The following MALRD1 variants were observed in gnomAD, a reference collection of about 807,000 sequenced individuals.
The protein encoded by MALRD1 is MAM and LDL receptor class A domain containing 1.
In MALRD1, 247 loss-of-function variants were observed where a neutral mutation model predicts 242.1. The ratio of observed to expected loss-of-function variants is 1.02; its 90% CI spans 0.92 to 1.13. The LOEUF is 1.13. Ranked by LOEUF, MALRD1 falls within the 50% of genes most tolerant of loss-of-function variation. The pLI is 0.00. For missense variants in MALRD1, 2,989 were observed against 2,533.1 expected, an observed-to-expected ratio of 1.18 and a Z score of -3.86; for synonymous variants, 995 against 866.6, an observed-to-expected ratio of 1.15 and a Z score of -2.60.
At chr10:19,692,886 T>TATATATATAA (rs373717863) in intron 38 of MALRD1, among the ~76,000 whole-genome samples, 6,311 of 136,740 alleles carry the variant, frequency 0.046, 294 homozygotes, top group East Asian at 0.11. Flanking sequence ...TATATATATA[T>TATATATATAA]AATTTCATCC....
At chr10:19,688,272 A>G (rs1842679164) in intron 36 of MALRD1, among the ~76,000 whole-genome samples, 1 of 149,140 alleles carries the variant, frequency 6.7e-6, no homozygotes. Flanking sequence ...TGCCCGGCCT[A>G]TTATTATTAT....
At chr10:19,661,716 A>C (rs964205754) in intron 36 of MALRD1, among the ~76,000 whole-genome samples, 2 of 152,158 alleles carry the variant, frequency 1.3e-5, no homozygotes, top group Non-Finnish European at 2.9e-5. Context: ...GCACACCAAC[A>C]TGACACCTGT....
At chr10:19,638,086 A>G (rs1323800105) in intron 36 of MALRD1, among the ~76,000 whole-genome samples, 2 of 134,366 alleles carry the variant, frequency 1.5e-5, no homozygotes, top group African/African-American at 5.6e-5. Context: ...GGGCAACAAG[A>G]GAGAAACTCA....
intron 18 of MALRD1, among the ~76,000 whole-genome samples, chr10:19,255,287 A>T (rs1839458574): frequency 1.3e-5 from 2 of 152,018 alleles, no homozygotes; most frequent in South Asian, 4.2e-4. Context: ...CGACTTCCCT[A>T]ATTTCCGGAA....
At chr10:19,703,965 T>G (rs1833739448) in intron 38 of MALRD1, among the ~76,000 whole-genome samples, 1 of 152,180 alleles carries the variant, frequency 6.6e-6, no homozygotes, top group South Asian at 2.1e-4. Flanking sequence ...CCGTTTATTC[T>G]TACCTTACCA....
At chr10:19,239,537 G>A (rs999980683) in intron 18 of MALRD1, among the ~76,000 whole-genome samples, 4 of 152,078 alleles carry the variant, frequency 2.6e-5, no homozygotes, top group African/African-American at 9.7e-5. Flanking sequence ...TTTGTTGCCT[G>A]TGCTTTTGAC....
chr10:19,645,540 A>C (rs1196226015), intron 36 of MALRD1, among the ~76,000 whole-genome samples: 1 of 152,208 alleles, frequency 6.6e-6, no homozygotes, highest in Admixed American at 6.5e-5. Context: ...GTGGAATACT[A>C]TGCAGCCATA....
chr10:19,235,785 G>A (rs1838292834), intron 18 of MALRD1, among the ~76,000 whole-genome samples: 1 of 152,096 alleles, frequency 6.6e-6, no homozygotes, highest in Admixed American at 6.6e-5. Context: ...GGGAATAACA[G>A]GAGGAGCCAT....
At chr10:19,561,957 C>T (rs966115364) in intron 32 of MALRD1, among the ~76,000 whole-genome samples, 10 of 152,102 alleles carry the variant, frequency 6.6e-5, no homozygotes, top group African/African-American at 2.4e-4. Flanking sequence ...AGCTATTTCC[C>T]CTCTCCTACC....
chr10:19,278,554 A>T (rs1246960812), intron 19 of MALRD1, among the ~76,000 whole-genome samples: 1 of 152,104 alleles, frequency 6.6e-6, no homozygotes, highest in East Asian at 1.9e-4. Flanking sequence ...TACCTACCAT[A>T]TGCCATGGTC....
intron 33 of MALRD1, among the ~76,000 whole-genome samples, chr10:19,572,131 T>C (rs928088280): frequency 1.3e-5 from 2 of 152,212 alleles, no homozygotes; most frequent in African/African-American, 4.8e-5. Context: ...ACCTTCCGCA[T>C]TATTACTTCT....
chr10:19,277,352 A>C (rs951906628), intron 19 of MALRD1, among the ~76,000 whole-genome samples: 2 of 152,200 alleles, frequency 1.3e-5, no homozygotes, highest in African/African-American at 4.8e-5. Flanking sequence ...AAGGGATCAG[A>C]ATACTATTTC....
intron 36 of MALRD1, among the ~76,000 whole-genome samples, chr10:19,676,551 T>C (rs1842147085): frequency 1.3e-5 from 2 of 152,366 alleles, no homozygotes; most frequent in East Asian, 1.9e-4. Context: ...TAAGTTTGAA[T>C]AATGCAGCCA....
At chr10:19,159,308 C>G (rs1834296175) in intron 12 of MALRD1, among the ~76,000 whole-genome samples, 2 of 152,028 alleles carry the variant, frequency 1.3e-5, no homozygotes, top group East Asian at 1.9e-4. Context: ...TTTTGAGGAG[C>G]TATAGATATC....
intron 4 of MALRD1, among the ~76,000 whole-genome samples, chr10:19,094,301 G>A (rs1271178093): frequency 2.9e-5 from 3 of 101,896 alleles, no homozygotes; most frequent in South Asian, 3.0e-4. Context: ...GTGGTGCGCC[G>A]TTTTTTAAGC....
At chr10:19,670,147 A>G (rs1841856388) in intron 36 of MALRD1, among the ~76,000 whole-genome samples, 1 of 152,118 alleles carries the variant, frequency 6.6e-6, no homozygotes, top group Admixed American at 6.6e-5. Flanking sequence ...GCACTGCCTT[A>G]AAGTTTCACT....
rs1195210690 is a variant in MALRD1 at position 19,204,913 on chromosome 10, C to T, written c.2226C>T (p.Gly742=). 4.5e-6 allele frequency: 7 copies of T among 1,547,670 alleles called. No individual in the cohort carries two copies. Among genetic ancestry groups the T allele is most frequent in the Non-Finnish European group, 6.1e-6 (7 of 1,144,882 alleles). Reference sequence around the variant, plus strand: ...TCTTTTTTAGGTTCTATAACTATGGCCTGTCAGTGGGAGCAGCTGAGCTGC... The same window carrying T: ...TCTTTTTTAGGTTCTATAACTATGGTCTGTCAGTGGGAGCAGCTGAGCTGC... ...CILSFWFYNY[G]LSVGAAELQL... is the part of the protein sequence containing the mutation. Residue 742 remains glycine (G), a synonymous_variant, in exon 17 of 40, where the codon GGC becomes GGT. Coordinates refer to ENST00000454679, the MANE Select transcript of MALRD1 (RefSeq NM_001142308.3).
At chr10:19,337,800 C>T (rs1031642499) in intron 24 of MALRD1, among the ~76,000 whole-genome samples, 6 of 151,984 alleles carry the variant, frequency 3.9e-5, no homozygotes, top group East Asian at 1.9e-4. Context: ...CGGTGGTTCA[C>T]GACTGTAATC....
chr10:19,290,431 G>A (rs1564534057), intron 21 of MALRD1: 1 of 152,110 alleles, frequency 6.6e-6, no homozygotes, highest in African/African-American at 2.4e-5. Flanking sequence ...ATTTTTCTAG[G>A]GTTGTAATCA....
Sources: allele counts gnomAD v4.1 joint callset (sites outside exome capture counted in the v4.1 genomes callset), GRCh38; gene constraint gnomAD v4.1.1; transcripts MANE v1.5; gene names NCBI Gene and HGNC (gene_info 2026-07-23, HGNC 2026-07-21).